Variants in PGRMC2 observed in about 807,000 individuals in gnomAD.
PGRMC2 encodes the protein progesterone receptor membrane component 2.
In PGRMC2, 9 loss-of-function variants were observed where a neutral mutation model predicts 19.3. The ratio of observed to expected loss-of-function variants is 0.47; its 90% CI spans 0.28 to 0.81. The LOEUF (loss-of-function observed/expected upper bound fraction) is 0.81, where lower values mean the gene tolerates loss of function less well. PGRMC2 is among the 40% of genes least tolerant of loss of function. The pLI is 0.11. For synonymous variants in PGRMC2, 157 were observed against 124.6 expected (o/e 1.26, Z -1.73); for missense variants, 289 against 297.3 (o/e 0.97, Z 0.21).
chr4:128,285,754 T>C (rs1198451886), intron 1 of PGRMC2, among the ~76,000 whole-genome samples: 1 of 152,210 alleles, frequency 6.6e-6, no homozygotes, highest in East Asian at 1.9e-4. Flanking sequence ...AAAAATTTAC[T>C]TCGCTTGGCC....
Position 128,272,513 on chromosome 4 carries a change from A to G in PGRMC2, c.423T>C (p.Gly141=). 6.8e-7 allele frequency: 1 copy of G among 1,471,438 alleles called. No individual in the cohort carries two copies. The allele number at this position is 1,471,438 out of a possible 1,614,324, so 91.1% of individuals were successfully genotyped here. The change falls in exon 2 of 3, where the codon GGT becomes GGC. Residue 141 remains glycine (G), a synonymous_variant. Transcript: ENST00000296425. ...CCCTACCAGCAAATATTCCATATGG[A>G]CCCGCTGGAAAAAAGAAAATAAATT... ...TKGSKFYGPA[G]PYGIFAGRDA...
At chr4:128,286,329 C>G (rs1760983457) in intron 1 of PGRMC2, among the ~76,000 whole-genome samples, 1 of 151,802 alleles carries the variant, frequency 6.6e-6, no homozygotes, top group Non-Finnish European at 1.5e-5. Context: ...TATGATATAC[C>G]AACAGGTTCC....
At chr4:128,278,284 T>C (rs1225711426) in intron 1 of PGRMC2, among the ~76,000 whole-genome samples, 5 of 152,194 alleles carry the variant, frequency 3.3e-5, no homozygotes, top group Admixed American at 6.5e-5. Flanking sequence ...TGGGGAAACA[T>C]GTTGGGACAA....
chr4:128,281,579 T>TA (rs1760911122), intron 1 of PGRMC2, among the ~76,000 whole-genome samples: 1 of 152,030 alleles, frequency 6.6e-6, no homozygotes, highest in Admixed American at 6.6e-5. Context: ...AATAAGATGA[T>TA]AGAAATAAAC....
At chr4:128,279,742 A>G (rs1033811579) in intron 1 of PGRMC2, among the ~76,000 whole-genome samples, 6 of 152,174 alleles carry the variant, frequency 3.9e-5, no homozygotes, top group Admixed American at 1.3e-4. Context: ...TTGTGATATT[A>G]AAATATTGTG....
At position 128,272,647 on chromosome 4, in the gene PGRMC2, C is replaced by T. The variant is rs917567479; in HGVS notation, c.419-130G>A. 1.0e-5 allele frequency: 5 copies of T among 486,200 alleles called. No homozygotes were observed. The African/African-American group carries it at 1.1e-4, about 10-fold the overall frequency. 30.1% of individuals were successfully genotyped at this position (486,200 alleles called of 1,614,324 possible). ...CCCTCATAATTCACATTTGTATATA[C>T]CCTTAATTTCAAAACATGTACAGAT... On this transcript the variant is annotated intron_variant, in intron 1 of 2. Transcript: ENST00000296425.
chr4:128,273,382 G>C (rs966421561), intron 1 of PGRMC2, among the ~76,000 whole-genome samples: 2 of 152,148 alleles, frequency 1.3e-5, no homozygotes, highest in African/African-American at 4.8e-5. Context: ...CTTGAGAACA[G>C]CAATTTGTTC....
At position 128,279,064 on chromosome 4, in the gene PGRMC2, T is replaced by A. The variant is rs1760862017; in HGVS notation, c.419-6547A>T. Among the ~76,000 whole-genome samples, 5 of 151,922 alleles carry A rather than the reference T, an allele frequency of 3.3e-5. No individual in the cohort carries two copies. In the South Asian group the frequency reaches 1.0e-3, roughly 32 times the overall value. ...TCTCTACTAAAAATACAAAATTAGC[T>A]GGGTGTCGTGGCGCATGCCTGCAAT... On this transcript the variant is annotated intron_variant, in intron 1 of 2. Coordinates refer to ENST00000296425, the MANE Select transcript of PGRMC2 (RefSeq NM_006320.6).
At chr4:128,277,701 G>A (rs1760833655) in intron 1 of PGRMC2, among the ~76,000 whole-genome samples, 2 of 152,172 alleles carry the variant, frequency 1.3e-5, no homozygotes, top group Non-Finnish European at 2.9e-5. Flanking sequence ...ATCAACAAAT[G>A]AGGCAATATG....
At chr4:128,285,193 TC>T (rs367800913) in intron 1 of PGRMC2, among the ~76,000 whole-genome samples, 77 of 152,244 alleles carry the variant, frequency 5.1e-4, no homozygotes, top group African/African-American at 1.8e-3. Context: ...TGGCGCAATC[TC>T]GGCTCACTGC....
intron 1 of PGRMC2, among the ~76,000 whole-genome samples, chr4:128,275,825 A>C (rs1015424873): frequency 6.6e-6 from 1 of 152,160 alleles, no homozygotes; most frequent in Admixed American, 6.5e-5. Flanking sequence ...TCCTGGGCTC[A>C]AGTAATCCTC....
At chr4:128,278,792 T>G (rs1760856389) in intron 1 of PGRMC2, among the ~76,000 whole-genome samples, 1 of 152,168 alleles carries the variant, frequency 6.6e-6, no homozygotes, top group Admixed American at 6.5e-5. Flanking sequence ...AACCAAAACT[T>G]TGTGTGGTTC....
chr4:128,285,134 AAT>A (rs1491289634), intron 1 of PGRMC2, among the ~76,000 whole-genome samples: 1 of 150,100 alleles, frequency 6.7e-6, no homozygotes, highest in African/African-American at 2.5e-5. Context: ...CTTAATTTTT[AAT>A]TTTTTTTTAT....
At chr4:128,277,114 G>A (rs1049816110) in intron 1 of PGRMC2, among the ~76,000 whole-genome samples, 4 of 152,060 alleles carry the variant, frequency 2.6e-5, no homozygotes, top group African/African-American at 9.7e-5. Context: ...CTGAGATCTC[G>A]CCACTGCACA....
rs1351151409 is a variant in PGRMC2, at chr4:128,287,357, C to G, written c.418+16G>C. The G allele has an allele frequency of 1.3e-6, 2 of 1,585,286 alleles. No homozygotes were observed. Among genetic ancestry groups the G allele is most frequent in the African/African-American group, 1.4e-5 (1 of 73,950 alleles). Reference sequence around the variant, plus strand: ...CAGCTGCAGGGGGTCCTTCCCCTCCCCTTCCAACTCCTCACCCGGGCCGTA... The same window carrying G: ...CAGCTGCAGGGGGTCCTTCCCCTCCGCTTCCAACTCCTCACCCGGGCCGTA... On this transcript the variant is annotated intron_variant, in intron 1 of 2. Transcript: ENST00000296425.
intron 2 of PGRMC2, among the ~76,000 whole-genome samples, chr4:128,272,004 T>C (rs555332389): frequency 6.6e-6 from 1 of 152,376 alleles, no homozygotes; most frequent in South Asian, 2.1e-4. Flanking sequence ...AGTATCACAA[T>C]TTTTGAGGCT....
In PGRMC2 at chr4:128,271,162, A is replaced by T; in HGVS notation, c.*154T>A. On this transcript the variant is annotated 3_prime_UTR_variant, in exon 3 of 3. Coordinates refer to ENST00000296425, the MANE Select transcript of PGRMC2 (RefSeq NM_006320.6). ...TTGGCAGCATAAATAATGTCTAGTT[A>T]TTCAAATCTTCATAGTGAGATTAAT... 2.1e-6 allele frequency: 1 copy of T among 475,618 alleles called. No individual in the cohort carries two copies. The highest frequency in any genetic ancestry group is 3.8e-6 in the Non-Finnish European group (1 of 264,168). The allele number at this position is 475,618 out of a possible 1,614,324, so 29.5% of individuals were successfully genotyped here.
chr4:128,275,451 C>T (rs1459093336), intron 1 of PGRMC2, among the ~76,000 whole-genome samples: 1 of 152,092 alleles, frequency 6.6e-6, no homozygotes, highest in Non-Finnish European at 1.5e-5. Context: ...AAAATATGCT[C>T]TTTCTGGGGT....
chr4:128,285,068 C>T (rs946280009), intron 1 of PGRMC2, among the ~76,000 whole-genome samples: 2 of 152,178 alleles, frequency 1.3e-5, no homozygotes, highest in African/African-American at 2.4e-5. Flanking sequence ...CCATTGTAAT[C>T]TCAAGAGCCT....
Sources: gnomAD v4.1 joint callset for allele counts (sites outside exome capture counted in the v4.1 genomes callset) on GRCh38, gnomAD v4.1.1 for gene constraint, MANE v1.5 for transcripts, NCBI Gene and HGNC (gene_info 2026-07-23, HGNC 2026-07-21) for gene names.